EYS: variants seen among roughly 807,000 people sequenced by gnomAD.
The protein encoded by EYS is EGF-like photoreceptor maintenance factor, also known as protein eyes shut homolog.
In EYS, 250 loss-of-function variants were observed where a neutral mutation model predicts 282.1. That is an observed-to-expected ratio of 0.89 (90% CI 0.80 to 0.98). The LOEUF (loss-of-function observed/expected upper bound fraction) is 0.98, where lower values mean the gene tolerates loss of function less well. Ranked by LOEUF, EYS falls within the 50% of genes least tolerant of loss-of-function variation. The pLI is 0.00. For synonymous variants in EYS, 1,355 were observed against 1,282.9 expected (o/e 1.06, Z -1.20); for missense variants, 4,016 against 3,709.0 (o/e 1.08, Z -2.15).
chr6:64,211,488 G>A (rs1422365287), intron 31 of EYS, among the ~76,000 whole-genome samples: 2 of 151,348 alleles, frequency 1.3e-5, no homozygotes, highest in African/African-American at 4.8e-5. Flanking sequence ...CATGGAGTCT[G>A]TTTTCACCCT....
intron 1 of EYS, among the ~76,000 whole-genome samples, chr6:65,681,249 C>A (rs1317659378): frequency 1.3e-5 from 2 of 151,932 alleles, no homozygotes; most frequent in Non-Finnish European, 1.5e-5. Context: ...ATCCCTAGAG[C>A]CTTGGTCTAT....
At chr6:63,961,996 C>A (rs979717779) in intron 35 of EYS, among the ~76,000 whole-genome samples, 1 of 152,032 alleles carries the variant, frequency 6.6e-6, no homozygotes, top group African/African-American at 2.4e-5. Context: ...CTGACAAAAA[C>A]AAGAAATGGG....
At chr6:64,208,613 A>G (rs1360997197) in intron 31 of EYS, among the ~76,000 whole-genome samples, 1 of 152,208 alleles carries the variant, frequency 6.6e-6, no homozygotes, top group Non-Finnish European at 1.5e-5. Context: ...ACAAAAATGT[A>G]TAAAATGTAA....
chr6:64,198,164 A>ATTTTT (rs35484359), intron 31 of EYS, among the ~76,000 whole-genome samples: 3 of 138,694 alleles, frequency 2.2e-5, no homozygotes, highest in African/African-American at 2.7e-5. Context: ...GGCCCGGCTA[A>ATTTTT]TTTTTTTTTT....
At chr6:65,434,569 C>G (rs974564615) in intron 5 of EYS, among the ~76,000 whole-genome samples, 2 of 152,138 alleles carry the variant, frequency 1.3e-5, no homozygotes, top group African/African-American at 2.4e-5. Context: ...ATCGGCCCGC[C>G]TTGGCCTCCA....
At position 63,721,237 on chromosome 6, in the gene EYS, A is replaced by G. The variant is rs1317869871; in HGVS notation, c.8794T>C (p.Ser2932Pro). Residue 2932 changes from serine (S) to proline (P), a missense_variant, in exon 43 of 43, where the codon TCA (serine) becomes CCA (proline). Transcript: ENST00000503581. ...LHQSLCIPDQ[S>P]FSYSCLCTLG... ...GTACACAGGCAACTGTAAGAAAATG[A>G]TTGGTCAGGTATACATAAAGATTGG... 1.3e-6 allele frequency: 2 copies of G among 1,551,854 alleles called. No homozygotes were observed. Among genetic ancestry groups the G allele is most frequent in the East Asian group, 4.9e-5 (2 of 40,916 alleles).
chr6:65,355,878 A>T (rs1243155974), intron 8 of EYS, among the ~76,000 whole-genome samples: 1 of 152,108 alleles, frequency 6.6e-6, no homozygotes, highest in Non-Finnish European at 1.5e-5. Context: ...CCCTGCTGAT[A>T]GGAATGTAAA....
At chr6:65,083,738 A>T (rs1396379344) in intron 12 of EYS, among the ~76,000 whole-genome samples, 1 of 151,868 alleles carries the variant, frequency 6.6e-6, no homozygotes, top group Non-Finnish European at 1.5e-5. Context: ...TATTCCTTTT[A>T]TTGAGACTGG....
chr6:64,651,445 A>C (rs2149878627), intron 22 of EYS, among the ~76,000 whole-genome samples: 1 of 152,262 alleles, frequency 6.6e-6, no homozygotes, highest in Admixed American at 6.5e-5. Flanking sequence ...AGAGAGGGAG[A>C]GGGAAGAGAG....
chr6:64,358,991 G>T (rs1212283128), intron 29 of EYS, among the ~76,000 whole-genome samples: 1 of 151,608 alleles, frequency 6.6e-6, no homozygotes, highest in African/African-American at 2.4e-5. Flanking sequence ...GGCATAAAGA[G>T]GGAGAATTTA....
At chr6:64,799,444 T>C (rs1447147928) in intron 22 of EYS, among the ~76,000 whole-genome samples, 1 of 151,842 alleles carries the variant, frequency 6.6e-6, no homozygotes, top group Non-Finnish European at 1.5e-5. Context: ...CTCTATTCCA[T>C]TTGTTTACAA....
At chr6:65,201,597 T>C (rs1765902903) in intron 12 of EYS, among the ~76,000 whole-genome samples, 2 of 152,072 alleles carry the variant, frequency 1.3e-5, no homozygotes. Flanking sequence ...TTGCTGCCAT[T>C]TCTGAATTTT....
At chr6:64,314,428 A>G (rs1015347068) in intron 29 of EYS, among the ~76,000 whole-genome samples, 4 of 152,196 alleles carry the variant, frequency 2.6e-5, no homozygotes, top group African/African-American at 9.6e-5. Context: ...CCCGCATAAT[A>G]ATAGTGGGAG....
chr6:65,615,268 G>A (rs1766144835), intron 2 of EYS, among the ~76,000 whole-genome samples: 1 of 151,838 alleles, frequency 6.6e-6, no homozygotes, highest in South Asian at 2.1e-4. Context: ...TTCATCTTTT[G>A]AACAAGACTG....
At chr6:65,573,443 C>T (rs1311170410) in intron 2 of EYS, among the ~76,000 whole-genome samples, 2 of 152,152 alleles carry the variant, frequency 1.3e-5, no homozygotes, top group Non-Finnish European at 2.9e-5. Context: ...GGCTGAGGAA[C>T]CCAGAGAGGG....
At chr6:65,041,594 C>A (rs1433921300) in intron 13 of EYS, among the ~76,000 whole-genome samples, 1 of 151,578 alleles carries the variant, frequency 6.6e-6, no homozygotes, top group South Asian at 2.1e-4. Context: ...CACAGTACTC[C>A]TGTGTTAAAA....
chr6:64,241,642 A>AT (rs778465230), intron 30 of EYS, among the ~76,000 whole-genome samples: 12 of 149,174 alleles, frequency 8.0e-5, no homozygotes, highest in African/African-American at 1.2e-4. Flanking sequence ...GGATTCATTG[A>AT]TTTTTTGAAG....
chr6:63,958,885 C>A (rs1765934945), intron 35 of EYS, among the ~76,000 whole-genome samples: 1 of 152,146 alleles, frequency 6.6e-6, no homozygotes, highest in South Asian at 2.1e-4. Flanking sequence ...AGAAGATTCC[C>A]TTTGAAATGT....
At chr6:63,779,490 C>T (rs1487975728) in intron 39 of EYS, among the ~76,000 whole-genome samples, 1 of 150,546 alleles carries the variant, frequency 6.6e-6, no homozygotes, top group Non-Finnish European at 1.5e-5. Context: ...AATAACTTTT[C>T]TACCCCAAGA....
Sources: allele counts gnomAD v4.1 joint callset (sites outside exome capture counted in the v4.1 genomes callset), GRCh38; gene constraint gnomAD v4.1.1; transcripts MANE v1.5; gene names NCBI Gene and HGNC (gene_info 2026-07-23, HGNC 2026-07-21).